The following ZNF565 variants were observed in gnomAD, a reference collection of about 807,000 sequenced individuals.
The protein encoded by ZNF565 is zinc finger protein 565.
Under a neutral mutation model 39.4 loss-of-function variants are expected in ZNF565, and 27 were observed. That is an observed-to-expected ratio of 0.69 (90% CI 0.51 to 0.95). The LOEUF (loss-of-function observed/expected upper bound fraction) is 0.95, where lower values mean the gene tolerates loss of function less well. ZNF565 is among the 40% of genes least tolerant of loss of function. The pLI, the probability that ZNF565 is intolerant of heterozygous loss-of-function variation, is 0.00. For missense variants in ZNF565, 524 were observed against 621.1 expected (o/e 0.84, Z 1.66); for synonymous variants, 185 against 216.6 (o/e 0.85, Z 1.28).
chr19:36,236,832 A>C (rs1205882627), intron 1 of ZNF565: 1 of 1,614,176 alleles, frequency 6.2e-7, no homozygotes, highest in South Asian at 1.1e-5. Context: ...TTTGTATGTA[A>C]GGAGTGTGGA....
At chr19:36,223,130 CTT>C (rs1020704507) in intron 1 of ZNF565, among the ~76,000 whole-genome samples, 3 of 151,526 alleles carry the variant, frequency 2.0e-5, no homozygotes, top group Non-Finnish European at 4.4e-5. Flanking sequence ...ATTTTCAAAA[CTT>C]TTGGCTGGGC....
At chr19:36,185,174 G>C (rs1467155327) in intron 4 of ZNF565, among the ~76,000 whole-genome samples, 2 of 151,678 alleles carry the variant, frequency 1.3e-5, no homozygotes, top group Non-Finnish European at 2.9e-5. Flanking sequence ...CAGCACTTTG[G>C]GAGACTGAGG....
rs577921853 is a variant in ZNF565, at chr19:36,235,379, G to T, written c.55+10097C>A. On this transcript the variant is annotated intron_variant, in intron 1 of 4. Transcript: ENST00000355114. ...ATTTTTCAAGAGTACTTTCAGCTTT[G>T]TGGACCCATGAATGTTAATTTTCTA... 2.0e-5 allele frequency among the ~76,000 whole-genome samples: 3 copies of T among 152,128 alleles called. No homozygotes were observed. The South Asian group carries it at 6.2e-4, about 32-fold the overall frequency.
intron 1 of ZNF565, among the ~76,000 whole-genome samples, chr19:36,214,102 C>T (rs1213737734): frequency 6.6e-6 from 1 of 151,900 alleles, no homozygotes; most frequent in African/African-American, 2.4e-5. Flanking sequence ...ACACAAGCAA[C>T]CCACACAAGC....
intron 1 of ZNF565, among the ~76,000 whole-genome samples, chr19:36,239,290 G>T (rs1337743370): frequency 6.6e-6 from 1 of 151,456 alleles, no homozygotes; most frequent in Non-Finnish European, 1.5e-5. Flanking sequence ...ATTTCCATGG[G>T]AAACGTGTGC....
In ZNF565 at chr19:36,205,167, C is replaced by T. The variant is rs963359889; in HGVS notation, c.-65-3117G>A. On this transcript the variant is annotated intron_variant, in intron 1 of 4. Coordinates refer to ENST00000304116, the MANE Select transcript of ZNF565 (RefSeq NM_152477.5). ...CTTTGGGAAGCTGAGGTGTGTCGTT[C>T]GCTTAAGCTCAGGAATTTGAAACCA... is the stretch of plus-strand genomic sequence containing the variant. Among the ~76,000 whole-genome samples the T allele has an allele frequency of 7.2e-5, 11 of 152,154 alleles. No individual in the cohort carries two copies. In the South Asian group the frequency reaches 1.0e-3, roughly 14 times the overall value.
chr19:36,209,646 T>C (rs1255312640), intron 1 of ZNF565, among the ~76,000 whole-genome samples: 1 of 152,138 alleles, frequency 6.6e-6, no homozygotes, highest in African/African-American at 2.4e-5. Flanking sequence ...AGAAAAATCA[T>C]TAAATTCAAC....
In ZNF565 at chr19:36,185,119, G is replaced by C. The variant is rs182318951; in HGVS notation, c.233-1386C>G. ...GAAGACAGAGTGAGAGTCCATCTCA[G>C]AAAAAAAAAAAAGGGCTGGGTGCAG... On this transcript the variant is annotated intron_variant, in intron 4 of 4. Transcript: ENST00000304116. Among the ~76,000 whole-genome samples the C allele has an allele frequency of 4.4e-3, 578 of 132,248 alleles. 1 individual carries two copies. The highest frequency in any genetic ancestry group is 7.9e-3 in the Non-Finnish European group (482 of 60,938). 86.8% of individuals were successfully genotyped at this position (132,248 alleles called of 152,430 possible).
intron 2 of ZNF565, 140 bp from the exon 3 acceptor site, chr19:36,195,296 A>G (rs1975716722): frequency 2.0e-6 from 2 of 1,001,658 alleles, no homozygotes; most frequent in South Asian, 1.7e-5. Flanking sequence ...TCAACAGTTA[A>G]CAAGGTGTAC....
Position 36,221,449 on chromosome 19 carries a change from C to T in ZNF565, c.56-19399G>A, listed in dbSNP as rs185699201. On this transcript the variant is annotated intron_variant, in intron 1 of 4. Coordinates refer to the ZNF565 transcript ENST00000355114. ...GACTATAGGTGTCAGCCACCACGCCCGGCTAATTTTTTGTATTTTTAGTAG... is the reference window on the plus strand; with the variant it reads ...GACTATAGGTGTCAGCCACCACGCCTGGCTAATTTTTTGTATTTTTAGTAG... 2.6e-3 allele frequency among the ~76,000 whole-genome samples: 400 copies of T among 151,968 alleles called. 4 individuals are homozygous for T. Among genetic ancestry groups the T allele is most frequent in the African/African-American group, 8.8e-3 (364 of 41,434 alleles).
chr19:36,239,507 T>C (rs1977761052), intron 1 of ZNF565, among the ~76,000 whole-genome samples: 1 of 151,842 alleles, frequency 6.6e-6, no homozygotes, highest in South Asian at 2.1e-4. Context: ...AAAAAAATTG[T>C]AGCGATGGGG....
rs528326625 is a variant in ZNF565 at position 36,188,022 on chromosome 19, T to C, written c.233-4289A>G. Among the ~76,000 whole-genome samples the C allele has an allele frequency of 2.0e-5, 3 of 151,942 alleles. No homozygotes were observed. In the South Asian group the frequency reaches 6.2e-4, roughly 32 times the overall value. ...GTCATCTTGGAGATTTCAATTCACC[T>C]TTCTCAGAAATAGGCCAAGATGATA... On this transcript the variant is annotated intron_variant, in intron 4 of 4. Coordinates refer to ENST00000304116, the MANE Select transcript of ZNF565 (RefSeq NM_152477.5).
chr19:36,228,120 A>G (rs890727701), intron 1 of ZNF565, among the ~76,000 whole-genome samples: 2 of 150,474 alleles, frequency 1.3e-5, no homozygotes, highest in East Asian at 2.0e-4. Flanking sequence ...AGATTGCACA[A>G]TTGCACTCTA....
chr19:36,192,208 C>T (rs538750337), intron 4 of ZNF565, among the ~76,000 whole-genome samples: 184 of 151,416 alleles, frequency 1.2e-3, no homozygotes, highest in Non-Finnish European at 2.2e-3. Context: ...AGGCTGGTCT[C>T]GAACTGCTGA....
At chr19:36,205,958 TTTTTTTTTTTTTC>T (rs933837239) in intron 1 of ZNF565, among the ~76,000 whole-genome samples, 8 of 126,098 alleles carry the variant, frequency 6.3e-5, no homozygotes, top group African/African-American at 2.1e-4. Flanking sequence ...TCACATTCTG[TTTTTTTTTTTTTC>T]TTTTTTTTGA....
intron 1 of ZNF565, among the ~76,000 whole-genome samples, chr19:36,233,517 C>T (rs558124590): frequency 3.3e-5 from 5 of 152,048 alleles, no homozygotes; most frequent in East Asian, 1.9e-4. Context: ...TCAAGAGGAC[C>T]GGCCTCTTGA....
intron 1 of ZNF565, among the ~76,000 whole-genome samples, chr19:36,235,266 T>A (rs10419778): frequency 0.041 from 6,187 of 151,940 alleles, 400 homozygotes; most frequent in African/African-American, 0.14. Flanking sequence ...GCATCCCAGG[T>A]AGACTTTCTA....
At chr19:36,194,410 C>CA in intron 3 of ZNF565, 82 bp from the exon 4 acceptor site, 2 of 1,078,774 alleles carry the variant, frequency 1.9e-6, no homozygotes, top group Non-Finnish European at 2.6e-6. Context: ...GGAAAAGACG[C>CA]AATTACAAGG....
chr19:36,233,109 C>T (rs866511843), intron 1 of ZNF565, among the ~76,000 whole-genome samples: 28 of 152,322 alleles, frequency 1.8e-4, no homozygotes, highest in East Asian at 7.7e-4. Flanking sequence ...CCTGGCCAGG[C>T]GTGGTGGCTC....
Sources: allele counts gnomAD v4.1 joint callset (sites outside exome capture counted in the v4.1 genomes callset), GRCh38; gene constraint gnomAD v4.1.1; transcripts MANE v1.5; gene names NCBI Gene and HGNC (gene_info 2026-07-23, HGNC 2026-07-21).